The following CROCC variants were observed in gnomAD, a reference collection of about 807,000 sequenced individuals.
CROCC encodes rootletin.
CROCC carries 180 observed loss-of-function variants against 245.2 expected under a neutral mutation model. That is an observed-to-expected ratio of 0.73 (90% confidence interval 0.65 to 0.83). The LOEUF (loss-of-function observed/expected upper bound fraction) is 0.83, where lower values mean the gene tolerates loss of function less well. Ranked by LOEUF, CROCC falls within the 40% of genes least tolerant of loss-of-function variation. The probability of loss-of-function intolerance (pLI) is 0.00; values close to 1 mark genes in which losing one functional copy is unlikely to be tolerated. For missense variants in CROCC, 2,688 were observed against 2,779.4 expected, an observed-to-expected ratio of 0.97 and a Z score of 0.74; for synonymous variants, 1,205 against 1,241.6, an observed-to-expected ratio of 0.97 and a Z score of 0.62.
chr1:16,969,867 G>A lies in CROCC; in HGVS notation c.5384G>A (p.Arg1795Gln), dbSNP rs527905568. The A allele has an allele frequency of 2.0e-5, 32 of 1,611,960 alleles. No individual in the cohort carries two copies. Among genetic ancestry groups the A allele is most frequent in the East Asian group, 8.9e-5 (4 of 44,836 alleles). The stretch of plus-strand genomic sequence containing the variant: ...CTGGGCGAGCAGGTGCAGACGTTGC[G>A]AGGCGAGGTGGCTGACCTGGAACTG... ...SSLGEQVQTL[R>Q]GEVADLELQR... The change falls in exon 33 of 37, where the codon CGA becomes CAA. Residue 1795 changes from arginine to glutamine, a missense_variant. Arg to Gln is a conservative substitution (Grantham distance 43). Transcript: ENST00000375541.
chr1:16,918,739 T>TG (rs1491044804), upstream of CROCC, among the ~76,000 whole-genome samples: 4 of 5,524 alleles, frequency 7.2e-4, no homozygotes, highest in African/African-American at 2.1e-3. Context: ...TAGTTTTTTG[T>TG]TTTTGTTTTT....
At chr1:16,919,527 C>T (rs1244756382), upstream of CROCC, among the ~76,000 whole-genome samples, 1 of 152,284 alleles carries the variant, frequency 6.6e-6, no homozygotes, top group Non-Finnish European at 1.5e-5. Context: ...TCTTCAGTCA[C>T]CAGGTTAAAG....
At position 16,922,049 on chromosome 1, in the gene CROCC, G is replaced by A. The variant is rs1458839637; in HGVS notation, c.31G>A (p.Val11Met). 1 of 1,550,888 alleles carries A rather than the reference G, an allele frequency of 6.4e-7. No homozygotes were observed. Among genetic ancestry groups the A allele is most frequent in the Non-Finnish European group, 8.7e-7 (1 of 1,146,888 alleles). MSLGLAGAQE[V>M]ELTLETVIQT... ...CTTGGGGCTGGCGGGGGCACAGGAGGTGGAGCTGACACTAGAGACGGTTAT... is the reference window on the plus strand; with the variant it reads ...CTTGGGGCTGGCGGGGGCACAGGAGATGGAGCTGACACTAGAGACGGTTAT... The change falls in exon 1 of 37, where the codon GTG becomes ATG. Residue 11 changes from valine (V) to methionine (M), a missense_variant. Val to Met is a conservative substitution (Grantham distance 21). Around this residue, in one of 9 missense-constraint regions of CROCC, gnomAD observed 972 missense variants for 895.3 expected, o/e 1.09. Coordinates refer to ENST00000375541, the MANE Select transcript of CROCC (RefSeq NM_014675.5).
intron 26 of CROCC, among the ~76,000 whole-genome samples, chr1:16,960,032 C>A (rs188462458): frequency 6.6e-6 from 1 of 151,892 alleles, no homozygotes. Flanking sequence ...TTTGGGAGGC[C>A]GAGGCTGGCA....
At chr1:16,963,589 C>T (rs1417693890) in intron 27 of CROCC, among the ~76,000 whole-genome samples, 4 of 152,088 alleles carry the variant, frequency 2.6e-5, no homozygotes, top group South Asian at 2.1e-4. Flanking sequence ...TTTGGTGTCC[C>T]TCTGCGGCCA....
intron 2 of CROCC, 92 bp from the exon 3 acceptor site, chr1:16,924,232 CA>C (rs1280636926): frequency 1.3e-6 from 2 of 1,494,452 alleles, no homozygotes; most frequent in African/African-American, 2.7e-5. Flanking sequence ...GGACTCCTCC[CA>C]GGGGCCTGGA....
At chr1:16,965,675 G>A (rs1245288268) in intron 27 of CROCC, 48 bp from the exon 28 acceptor site, 2 of 1,325,492 alleles carry the variant, frequency 1.5e-6, no homozygotes. Context: ...AGATGTGTGG[G>A]AGGCCCGTGG....
chr1:16,933,759 G>T (rs1402485277), intron 8 of CROCC, among the ~76,000 whole-genome samples: 1 of 152,252 alleles, frequency 6.6e-6, no homozygotes, highest in East Asian at 1.9e-4. Context: ...AGAGATGGGG[G>T]CTTCACCATG....
chr1:16,965,961 C>A, intron 28 of CROCC, 38 bp from the exon 29 acceptor site: 1 of 1,605,188 alleles, frequency 6.2e-7, no homozygotes, highest in Non-Finnish European at 8.5e-7. Flanking sequence ...GGTGTCAGAG[C>A]AGGGGTCTGT....
Position 16,930,356 on chromosome 1 carries a change from G to A in CROCC, c.683+9G>A, listed in dbSNP as rs372280550. 4.0e-5 allele frequency: 65 copies of A among 1,610,572 alleles called. No individual in the cohort carries two copies. The highest frequency in any genetic ancestry group is 4.0e-4 in the Admixed American group (24 of 59,820). On this transcript the variant is annotated intron_variant, in intron 6 of 36. Transcript: ENST00000375541. Reference sequence around the variant, plus strand: ...GAGGAGGAGCAGCAGAGGTGAGGGCGCAGCAGGGAGGGCCAGGGCTGGCAG... The same window carrying A: ...GAGGAGGAGCAGCAGAGGTGAGGGCACAGCAGGGAGGGCCAGGGCTGGCAG...
In CROCC at chr1:16,969,905, G is replaced by C; in HGVS notation, c.5422G>C (p.Ala1808Pro). 1 of 1,606,712 alleles carries C rather than the reference G, an allele frequency of 6.2e-7. No homozygotes were observed. Among genetic ancestry groups the C allele is most frequent in the Non-Finnish European group, 8.5e-7 (1 of 1,176,210 alleles). ...TGACCTGGAACTGCAGCGGGTGGAG[G>C]CCGAGGGCCAGCTACAACAGCTACG... Reference protein sequence around the residue: ...VADLELQRVEAEGQLQQLREV... With the variant: ...VADLELQRVEPEGQLQQLREV... The change falls in exon 33 of 37, where the codon GCC (alanine) becomes CCC (proline). Residue 1808 changes from alanine to proline, a missense_variant. By Grantham distance (27) the Ala-to-Pro change is conservative. This residue lies in a region of CROCC where 1,218 missense variants were observed against 1,286.3 expected (regional missense o/e 0.95). Transcript: ENST00000375541.
At chr1:16,922,289 C>T (rs567503711) in intron 1 of CROCC, among the ~76,000 whole-genome samples, 2 of 152,364 alleles carry the variant, frequency 1.3e-5, no homozygotes, top group African/African-American at 4.8e-5. Context: ...CATCCCAGTG[C>T]CCTGGGTTGG....
In CROCC at chr1:16,938,454, C is replaced by T. The variant is rs1382397948; in HGVS notation, c.1345C>T (p.Leu449=). The change falls in exon 11 of 37, where the codon CTA becomes TTA. Residue 449 remains leucine (L), a synonymous_variant. Transcript: ENST00000375541. ...AALETEDGEG[L]QQTLRDLAQA... ...CCTGGAGACAGAGGATGGAGAGGGG[C>T]TACAGCAGACCCTAAGGGACCTGGC... 6.3e-7 allele frequency: 1 copy of T among 1,580,210 alleles called. No individual in the cohort carries two copies. Among genetic ancestry groups the T allele is most frequent in the Admixed American group, 1.8e-5 (1 of 54,900 alleles).
chr1:16,917,083 A>C (rs1266847690), upstream of CROCC, among the ~76,000 whole-genome samples: 1 of 152,292 alleles, frequency 6.6e-6, no homozygotes, highest in Admixed American at 6.5e-5. Context: ...GTGCCATTGC[A>C]CTCCAGACTG....
chr1:16,922,735 A>G lies in CROCC; in HGVS notation c.133A>G (p.Thr45Ala). 6.2e-7 allele frequency: 1 copy of G among 1,613,930 alleles called. No individual in the cohort carries two copies. The highest frequency in any genetic ancestry group is 1.3e-5 in the African/African-American group (1 of 75,082). Residue 45 changes from threonine (T) to alanine (A), a missense_variant, in exon 2 of 37, where the codon ACC (threonine) becomes GCC (alanine). By Grantham distance (58) the Thr-to-Ala change is moderately conservative. Transcript: ENST00000375541. The stretch of plus-strand genomic sequence containing the variant: ...GGACCTGGCCCAGGACGCTCAGATC[A>G]CCAGCCTGCCTGCCCTTATCAGGGA... The part of the protein sequence containing the change: ...ARDLAQDAQI[T>A]SLPALIREIV...
At chr1:16,948,159 C>T (rs573210281) in intron 17 of CROCC, among the ~76,000 whole-genome samples, 172 bp from the exon 18 acceptor site, 3 of 152,300 alleles carry the variant, frequency 2.0e-5, no homozygotes, top group Non-Finnish European at 4.4e-5. Flanking sequence ...ACGTGCATTG[C>T]AGATCTAGAG....
intron 3 of CROCC, among the ~76,000 whole-genome samples, chr1:16,925,466 C>A (rs531658466): frequency 4.6e-5 from 7 of 152,396 alleles, no homozygotes; most frequent in African/African-American, 1.7e-4. Context: ...TGTTTGGTTT[C>A]TAAACTAACC....
At position 16,948,493 on chromosome 1, in the gene CROCC, A is replaced by T; in HGVS notation, c.2677A>T (p.Arg893Trp). 1 of 1,551,382 alleles carries T rather than the reference A, an allele frequency of 6.4e-7. No individual in the cohort carries two copies. Among genetic ancestry groups the T allele is most frequent in the African/African-American group, 1.4e-5 (1 of 73,610 alleles). The change falls in exon 18 of 37, where the codon AGG becomes TGG. Residue 893 changes from arginine (R) to tryptophan (W), a missense_variant. This residue lies in a region of CROCC where 26 missense variants were observed against 40.3 expected (regional missense o/e 0.64). Coordinates refer to ENST00000375541, the MANE Select transcript of CROCC (RefSeq NM_014675.5). ...GCTGGTGGCTGCGGAGCGTGAAGGCAGGACCCTGTCAGAGGAGGCCACACG... is the reference window on the plus strand; with the variant it reads ...GCTGGTGGCTGCGGAGCGTGAAGGCTGGACCCTGTCAGAGGAGGCCACACG... ...VQLVAAEREGRTLSEEATRLR... is the reference protein window; with the variant it reads ...VQLVAAEREGWTLSEEATRLR...
rs763952064 is a variant in CROCC at position 16,939,048 on chromosome 1, G to C, written c.1514G>C (p.Arg505Pro). ...PPRRSSPGRG[R>P]SPRRGPSPAC... is the part of the protein sequence containing the mutation. ...CGGCGCTCCTCGCCCGGCCGAGGCCGTTCACCCCGCCGAGGCCCCTCCCCG... is the reference window on the plus strand; with the variant it reads ...CGGCGCTCCTCGCCCGGCCGAGGCCCTTCACCCCGCCGAGGCCCCTCCCCG... The change falls in exon 12 of 37, where the codon CGT becomes CCT. Residue 505 changes from arginine to proline, a missense_variant. Coordinates refer to ENST00000375541, the MANE Select transcript of CROCC (RefSeq NM_014675.5). 7 of 1,590,048 alleles carry C rather than the reference G, an allele frequency of 4.4e-6. No individual in the cohort carries two copies. The highest frequency in any genetic ancestry group is 6.0e-6 in the Non-Finnish European group (7 of 1,172,134).
Sources: gnomAD v4.1 joint callset for allele counts (sites outside exome capture counted in the v4.1 genomes callset) on GRCh38, gnomAD v4.1.1 for gene constraint, gnomAD v4.1.1 regional missense constraint, MANE v1.5 for transcripts, NCBI Gene and HGNC (gene_info 2026-07-23, HGNC 2026-07-21) for gene names.